FGF5: variants seen among roughly 807,000 people sequenced by gnomAD.
FGF5 encodes fibroblast growth factor 5, also known as heparin-binding growth factor 5.
A neutral mutation model predicts 21.8 loss-of-function variants in FGF5; 23 were observed. The ratio of observed to expected loss-of-function variants is 1.05; its 90% CI spans 0.76 to 1.49. The LOEUF is 1.49. Ranked by LOEUF, FGF5 falls within the 40% of genes most tolerant of loss-of-function variation. FGF5 has a pLI of 0.00. For missense variants in FGF5, 352 were observed against 332.9 expected, an observed-to-expected ratio of 1.06 and a Z score of -0.45; for synonymous variants, 158 against 124.0, an observed-to-expected ratio of 1.27 and a Z score of -1.82.
intron 2 of FGF5, among the ~76,000 whole-genome samples, chr4:80,279,897 G>A (rs747857758): frequency 2.0e-5 from 3 of 152,216 alleles, no homozygotes; most frequent in Non-Finnish European, 4.4e-5. Context: ...CATGGAATGT[G>A]TGCTTGATCA....
At chr4:80,273,208 G>T (rs943611605) in intron 1 of FGF5, among the ~76,000 whole-genome samples, 6 of 151,660 alleles carry the variant, frequency 4.0e-5, no homozygotes, top group African/African-American at 1.4e-4. Flanking sequence ...AGCAAAAGTA[G>T]TTTCCAATAG....
chr4:80,270,634 C>T (rs1293851431), intron 1 of FGF5, among the ~76,000 whole-genome samples: 1 of 152,118 alleles, frequency 6.6e-6, no homozygotes, highest in East Asian at 1.9e-4. Context: ...TGCATGGAAA[C>T]AAATGGTTTG....
At chr4:80,271,221 C>T (rs1398995911) in intron 1 of FGF5, among the ~76,000 whole-genome samples, 2 of 151,954 alleles carry the variant, frequency 1.3e-5, no homozygotes, top group Non-Finnish European at 2.9e-5. Flanking sequence ...CAGTAGAGCC[C>T]TATTATATTA....
chr4:80,268,521 AT>A, intron 1 of FGF5: 1 of 986,124 alleles, frequency 1.0e-6, no homozygotes, highest in Non-Finnish European at 1.2e-6. Context: ...CGGTCTGAAG[AT>A]TTGGCAGCCA....
intron 2 of FGF5, among the ~76,000 whole-genome samples, chr4:80,275,510 A>T (rs1400061767): frequency 1.3e-5 from 2 of 151,996 alleles, no homozygotes; most frequent in Non-Finnish European, 2.9e-5. Flanking sequence ...ACTTTCATAG[A>T]CAAATTTTAT....
In FGF5 at chr4:80,266,967, A is replaced by G; in HGVS notation, c.143A>G (p.Gln48Arg). 1 of 1,614,234 alleles carries G rather than the reference A, an allele frequency of 6.2e-7. No homozygotes were observed. The highest frequency in any genetic ancestry group is 2.2e-5 in the East Asian group (1 of 44,872). The change falls in exon 1 of 3, where the codon CAG becomes CGG. Residue 48 changes from glutamine (Q) to arginine (R), a missense_variant. By Grantham distance (43) the Gln-to-Arg change is conservative. Transcript: ENST00000312465. ...DRNPRGSSSR[Q>R]SSSSAMSSSS... is the part of the protein sequence containing the mutation. The stretch of plus-strand genomic sequence containing the variant: ...AACCCTAGAGGCTCCAGCAGCAGAC[A>G]GAGCAGCAGTAGCGCTATGTCTTCC...
chr4:80,270,341 C>T (rs149280222), intron 1 of FGF5, among the ~76,000 whole-genome samples: 13 of 151,760 alleles, frequency 8.6e-5, no homozygotes, highest in East Asian at 7.7e-4. Context: ...ATATGTGTTT[C>T]GCAAACTATT....
intron 2 of FGF5, among the ~76,000 whole-genome samples, chr4:80,276,639 A>G (rs974393697): frequency 1.5e-4 from 22 of 151,308 alleles, no homozygotes; most frequent in Non-Finnish European, 2.7e-4. Flanking sequence ...TTTTACCCCC[A>G]GCCCCCTCCC....
At chr4:80,270,053 A>G (rs77324629) in intron 1 of FGF5, among the ~76,000 whole-genome samples, 42 of 152,364 alleles carry the variant, frequency 2.8e-4, no homozygotes, top group Middle Eastern at 3.4e-3. Context: ...GTGTAAACTA[A>G]GGTGTTGGCC....
intron 1 of FGF5, among the ~76,000 whole-genome samples, chr4:80,272,341 T>C (rs1720292494): frequency 6.6e-6 from 1 of 152,120 alleles, no homozygotes. Context: ...AATACAATAA[T>C]AACACTTTCA....
At chr4:80,277,598 A>G (rs887852243) in intron 2 of FGF5, among the ~76,000 whole-genome samples, 5 of 152,098 alleles carry the variant, frequency 3.3e-5, no homozygotes, top group Admixed American at 2.6e-4. Context: ...AACTCTAAAT[A>G]TGACTATTTG....
intron 2 of FGF5, among the ~76,000 whole-genome samples, chr4:80,284,962 T>C (rs1262394294): frequency 1.3e-5 from 2 of 152,192 alleles, no homozygotes; most frequent in African/African-American, 4.8e-5. Context: ...TCTGTGTAAA[T>C]AGTACTCCTT....
intron 1 of FGF5, among the ~76,000 whole-genome samples, chr4:80,273,671 T>C (rs1720332118): frequency 6.6e-6 from 1 of 152,140 alleles, no homozygotes; most frequent in South Asian, 2.1e-4. Context: ...CTTTTTTCCA[T>C]CCCTTTCCTT....
intron 1 of FGF5, among the ~76,000 whole-genome samples, chr4:80,274,479 C>T (rs1386194136): frequency 6.6e-6 from 1 of 151,990 alleles, no homozygotes; most frequent in Admixed American, 6.6e-5. Context: ...ATTTTCCAGA[C>T]TTTCAAATAG....
intron 2 of FGF5, among the ~76,000 whole-genome samples, chr4:80,283,739 T>C (rs1334142853): frequency 1.3e-5 from 2 of 152,002 alleles, no homozygotes; most frequent in African/African-American, 4.8e-5. Flanking sequence ...CATAATGTAT[T>C]ACACATTTTC....
intron 1 of FGF5, among the ~76,000 whole-genome samples, chr4:80,274,019 G>A (rs1720340626): frequency 6.6e-6 from 1 of 151,924 alleles, no homozygotes; most frequent in African/African-American, 2.4e-5. Flanking sequence ...CTCTTTTCAT[G>A]TTCATATAAA....
At position 80,267,004 on chromosome 4, in the gene FGF5, C is replaced by T; in HGVS notation, c.180C>T (p.Ser60=). ...SSSAMSSSSA[S]SSPAASLGSQ... Reference sequence around the variant, plus strand: ...GCGCTATGTCTTCCTCTTCTGCCTCCTCCTCCCCCGCAGCTTCTCTGGGCA... The same window carrying T: ...GCGCTATGTCTTCCTCTTCTGCCTCTTCCTCCCCCGCAGCTTCTCTGGGCA... Residue 60 remains serine (S), a synonymous_variant, in exon 1 of 3, where the codon TCC becomes TCT. Coordinates refer to ENST00000312465, the MANE Select transcript of FGF5 (RefSeq NM_004464.4). 1 of 1,614,246 alleles carries T rather than the reference C, an allele frequency of 6.2e-7. No homozygotes were observed. The highest frequency in any genetic ancestry group is 8.5e-7 in the Non-Finnish European group (1 of 1,180,038).
rs751463344 is a variant in FGF5, at chr4:80,267,013, C to T, written c.189C>T (p.Pro63=). The T allele has an allele frequency of 5.4e-5, 87 of 1,614,142 alleles. 1 individual carries two copies. Among genetic ancestry groups the T allele is most frequent in the Non-Finnish European group, 6.8e-5 (80 of 1,180,060 alleles). The change falls in exon 1 of 3, where the codon CCC becomes CCT. Residue 63 remains proline (P), a synonymous_variant. Coordinates refer to ENST00000312465, the MANE Select transcript of FGF5 (RefSeq NM_004464.4). ...AMSSSSASSS[P]AASLGSQGSG... ...CTTCCTCTTCTGCCTCCTCCTCCCC[C>T]GCAGCTTCTCTGGGCAGCCAAGGAA...
chr4:80,274,795 T>C, intron 1 of FGF5, 114 bp from the exon 2 acceptor site: 1 of 603,192 alleles, frequency 1.7e-6, no homozygotes, highest in Non-Finnish European at 2.9e-6. Flanking sequence ...AAATACTAAG[T>C]TCTTTTTTAA....
Sources: gnomAD v4.1 joint callset for allele counts (sites outside exome capture counted in the v4.1 genomes callset) on GRCh38, gnomAD v4.1.1 for gene constraint, MANE v1.5 for transcripts, NCBI Gene and HGNC (gene_info 2026-07-23, HGNC 2026-07-21) for gene names.